The following CTNNA3 variants were observed in gnomAD, a reference collection of about 807,000 sequenced individuals.
CTNNA3 encodes catenin alpha-3.
In CTNNA3, 76 loss-of-function variants were observed where a neutral mutation model predicts 95.7. The observed-to-expected ratio is 0.79, with a 90% confidence interval of 0.66 to 0.96. The LOEUF (loss-of-function observed/expected upper bound fraction) is 0.96. CTNNA3 is among the 40% of genes least tolerant of loss of function. CTNNA3 has a pLI of 0.00. For missense variants in CTNNA3, 1,191 were observed against 1,089.8 expected, an observed-to-expected ratio of 1.09 and a Z score of -1.31; for synonymous variants, 431 against 374.4, an observed-to-expected ratio of 1.15 and a Z score of -1.74.
chr10:66,314,811 T>C (rs1036238488), intron 12 of CTNNA3, among the ~76,000 whole-genome samples: 2 of 152,068 alleles, frequency 1.3e-5, no homozygotes, highest in Non-Finnish European at 2.9e-5. Flanking sequence ...TAGCATCACT[T>C]GGATAAAAGT....
At chr10:66,625,829 T>G (rs1844915052) in intron 9 of CTNNA3, among the ~76,000 whole-genome samples, 1 of 152,114 alleles carries the variant, frequency 6.6e-6, no homozygotes, top group African/African-American at 2.4e-5. Flanking sequence ...AATTCCCTGT[T>G]GTGGAGCCTG....
At chr10:67,203,268 G>C (rs536212999) in intron 6 of CTNNA3, among the ~76,000 whole-genome samples, 9 of 152,284 alleles carry the variant, frequency 5.9e-5, no homozygotes, top group African/African-American at 2.2e-4. Context: ...TAAGTCTCAC[G>C]AGATCTGATG....
rs1481954288 is a variant in CTNNA3, at chr10:66,174,500, T to G, written c.1885-71251A>C. ...CAAAGAAGGTATGTACAATTATATT[T>G]CTACTTTTATCATTTTAATTAAATT... On this transcript the variant is annotated intron_variant, in intron 13 of 17. Coordinates refer to ENST00000433211, the MANE Select transcript of CTNNA3 (RefSeq NM_013266.4). Among the ~76,000 whole-genome samples, 7 of 152,266 alleles carry G rather than the reference T, an allele frequency of 4.6e-5. No individual in the cohort carries two copies. In the East Asian group the frequency reaches 1.4e-3, roughly 29 times the overall value.
intron 14 of CTNNA3, among the ~76,000 whole-genome samples, chr10:66,084,193 A>G (rs117087206): frequency 0.015 from 2,352 of 151,964 alleles, 37 homozygotes; most frequent in South Asian, 0.042. Context: ...AAAAAAAGAA[A>G]TGATAGTGAG....
At chr10:66,410,588 A>G (rs2093095691) in intron 11 of CTNNA3, among the ~76,000 whole-genome samples, 1 of 152,110 alleles carries the variant, frequency 6.6e-6, no homozygotes, top group Non-Finnish European at 1.5e-5. Context: ...GCAATTCTAA[A>G]TACTGATTGC....
chr10:66,182,533 G>A (rs2086106111), intron 13 of CTNNA3, among the ~76,000 whole-genome samples: 1 of 152,134 alleles, frequency 6.6e-6, no homozygotes, highest in Non-Finnish European at 1.5e-5. Flanking sequence ...GGGATTACAG[G>A]CGTGAGCCAC....
At chr10:67,721,094 A>G (rs1270166800) in intron 1 of CTNNA3, among the ~76,000 whole-genome samples, 1 of 151,978 alleles carries the variant, frequency 6.6e-6, no homozygotes, top group African/African-American at 2.4e-5. Context: ...CTTTTCTTTC[A>G]TTTCAACCTT....
At chr10:66,613,753 G>A (rs1210001600) in intron 10 of CTNNA3, among the ~76,000 whole-genome samples, 1 of 151,996 alleles carries the variant, frequency 6.6e-6, no homozygotes, top group African/African-American at 2.4e-5. Flanking sequence ...AGCATTTTGT[G>A]CCATTCCCTG....
At chr10:67,177,505 C>T (rs1156828118) in intron 7 of CTNNA3, among the ~76,000 whole-genome samples, 2 of 152,132 alleles carry the variant, frequency 1.3e-5, no homozygotes, top group Non-Finnish European at 2.9e-5. Context: ...GCATTTGCTC[C>T]ATCAGCACAG....
At chr10:66,898,283 C>T (rs958650484) in intron 7 of CTNNA3, among the ~76,000 whole-genome samples, 17 of 151,948 alleles carry the variant, frequency 1.1e-4, no homozygotes, top group East Asian at 4.0e-4. Context: ...AATATAAATA[C>T]ACACATAATA....
At chr10:66,507,928 G>A (rs1840508884) in intron 11 of CTNNA3, among the ~76,000 whole-genome samples, 2 of 147,790 alleles carry the variant, frequency 1.4e-5, no homozygotes, top group African/African-American at 5.0e-5. Flanking sequence ...AACCTCAATA[G>A]TATTTTCCAT....
chr10:66,578,784 CTTT>C (rs71035156), intron 10 of CTNNA3, among the ~76,000 whole-genome samples: 2 of 143,238 alleles, frequency 1.4e-5, no homozygotes, highest in Non-Finnish European at 3.1e-5. Flanking sequence ...ATTTTTCTTT[CTTT>C]TTTTTTTTTT....
chr10:67,027,179 C>A (rs555491203), intron 7 of CTNNA3, among the ~76,000 whole-genome samples: 27 of 151,612 alleles, frequency 1.8e-4, no homozygotes, highest in African/African-American at 6.3e-4. Context: ...GGGAAAGGAG[C>A]GTAGGAAGTA....
chr10:67,059,810 T>C (rs1254809197), intron 7 of CTNNA3, among the ~76,000 whole-genome samples: 4 of 152,220 alleles, frequency 2.6e-5, no homozygotes, highest in Non-Finnish European at 5.9e-5. Flanking sequence ...CTTTTATTTA[T>C]ACTAATGTAT....
chr10:67,513,058 C>T (rs1398550386), intron 5 of CTNNA3, among the ~76,000 whole-genome samples: 1 of 152,062 alleles, frequency 6.6e-6, no homozygotes, highest in Non-Finnish European at 1.5e-5. Context: ...TTTACTGGCA[C>T]CTCACCGCCT....
intron 13 of CTNNA3, among the ~76,000 whole-genome samples, chr10:66,272,580 G>A (rs762138471): frequency 6.6e-6 from 1 of 151,942 alleles, no homozygotes; most frequent in Non-Finnish European, 1.5e-5. Flanking sequence ...GCACCACAGG[G>A]CCTCAAGCAG....
intron 13 of CTNNA3, among the ~76,000 whole-genome samples, chr10:66,125,731 G>T (rs1365608593): frequency 6.6e-6 from 1 of 152,168 alleles, no homozygotes; most frequent in Non-Finnish European, 1.5e-5. Flanking sequence ...TTATAGCTGG[G>T]TGAAAGAATC....
intron 7 of CTNNA3, chr10:67,098,392 A>C (rs1858141525): frequency 6.6e-6 from 1 of 152,312 alleles, no homozygotes; most frequent in African/African-American, 2.4e-5. Context: ...ATAATACATT[A>C]ACCAAAAAGG....
intron 2 of CTNNA3, among the ~76,000 whole-genome samples, chr10:67,636,981 C>T (rs918144392): frequency 2.6e-5 from 4 of 152,208 alleles, no homozygotes; most frequent in Admixed American, 2.0e-4. Flanking sequence ...AGGAATGCAG[C>T]TCCTCACTAG....
Sources: allele counts gnomAD v4.1 joint callset (sites outside exome capture counted in the v4.1 genomes callset), GRCh38; gene constraint gnomAD v4.1.1; transcripts MANE v1.5; gene names NCBI Gene and HGNC (gene_info 2026-07-23, HGNC 2026-07-21).